The following RPS6KC1 variants were observed in gnomAD, a reference collection of about 807,000 sequenced individuals.
RPS6KC1 encodes inactive ribosomal protein S6 kinase delta-1.
In RPS6KC1, 54 loss-of-function variants were observed where a neutral mutation model predicts 103.8. The ratio of observed to expected loss-of-function variants is 0.52; its 90% CI spans 0.42 to 0.65. The LOEUF (loss-of-function observed/expected upper bound fraction) is 0.65, where lower values mean the gene tolerates loss of function less well. Among genes scored for constraint, RPS6KC1 ranks in the 30% least tolerant of loss-of-function variants. The probability of loss-of-function intolerance (pLI) is 0.00; values close to 1 mark genes in which losing one functional copy is unlikely to be tolerated. For synonymous variants in RPS6KC1, 439 were observed against 438.7 expected (o/e 1.00, Z -0.01); for missense variants, 1,151 against 1,253.8 (o/e 0.92, Z 1.24).
Position 213,241,082 on chromosome 1 carries a change from A to G in RPS6KC1, c.1606A>G (p.Lys536Glu). 1 of 1,613,638 alleles carries G rather than the reference A, an allele frequency of 6.2e-7. No individual in the cohort carries two copies. Among genetic ancestry groups the G allele is most frequent in the East Asian group, 2.2e-5 (1 of 44,842 alleles). The change falls in exon 11 of 15, where the codon AAG (lysine) becomes GAG (glutamate). Residue 536 changes from lysine to glutamate, a missense_variant. Around this residue, in one of 3 missense-constraint regions of RPS6KC1, gnomAD observed 959 missense variants for 1,006.3 expected, o/e 0.95. Coordinates refer to ENST00000366960, the MANE Select transcript of RPS6KC1 (RefSeq NM_012424.6). ...PGSLNEEPFM[K>E]TEGNGVDTKA... is the part of the protein sequence containing the mutation. ...GTCTTTGAATGAGGAGCCCTTCATG[A>G]AGACTGAAGGGAATGGTGTTGATAC...
the RPS6KC1 span, among the ~76,000 whole-genome samples, chr1:213,695,722 G>T: frequency 6.6e-6 from 1 of 152,202 alleles, no homozygotes; most frequent in Non-Finnish European, 1.5e-5. Context: ...ATAGGTTGTT[G>T]CTGTCAGGTT....
chr1:213,274,131 C>A lies in RPS6KC1; in HGVS notation c.*1497C>A, dbSNP rs1338960966. ...TTTGGCCCCCTTATAATCCAAACCC[C>A]AGCTGAAAGGCTGCAACAACACCAG... On this transcript the variant is annotated 3_prime_UTR_variant, in exon 15 of 15. Coordinates refer to ENST00000366960, the MANE Select transcript of RPS6KC1 (RefSeq NM_012424.6). 6.6e-6 allele frequency: 1 copy of A among 152,148 alleles called. No individual in the cohort carries two copies. Among genetic ancestry groups the A allele is most frequent in the African/African-American group, 2.4e-5 (1 of 41,436 alleles). The allele number at this position is 152,148 out of a possible 1,614,324, so 9.4% of individuals were successfully genotyped here.
At chr1:213,507,991 T>TGC in the RPS6KC1 span, among the ~76,000 whole-genome samples, 1 of 152,218 alleles carries the variant, frequency 6.6e-6, no homozygotes, top group Non-Finnish European at 1.5e-5. Context: ...AACTGTCAAT[T>TGC]GCTGAAACAA....
the RPS6KC1 span, among the ~76,000 whole-genome samples, chr1:213,370,586 G>A: frequency 6.6e-6 from 1 of 152,182 alleles, no homozygotes; most frequent in Admixed American, 6.5e-5. Flanking sequence ...ATTAAATGGG[G>A]TTGGAGGCCA....
chr1:213,829,660 G>C, the RPS6KC1 span, among the ~76,000 whole-genome samples: 1 of 152,164 alleles, frequency 6.6e-6, no homozygotes, highest in Non-Finnish European at 1.5e-5. Flanking sequence ...CAAGTAAAGA[G>C]AGAAATTTAT....
intron 3 of RPS6KC1, among the ~76,000 whole-genome samples, chr1:213,092,001 G>A (rs909507549): frequency 4.0e-5 from 6 of 149,172 alleles, no homozygotes; most frequent in East Asian, 2.0e-4. Context: ...TATTATACTC[G>A]TAATCATTAT....
At chr1:213,388,916 C>A in the RPS6KC1 span, among the ~76,000 whole-genome samples, 1 of 152,216 alleles carries the variant, frequency 6.6e-6, no homozygotes, top group African/African-American at 2.4e-5. Context: ...ACTACCTGGG[C>A]AGTGAGAGCT....
chr1:213,614,956 T>C, the RPS6KC1 span, among the ~76,000 whole-genome samples: 1 of 152,222 alleles, frequency 6.6e-6, no homozygotes, highest in African/African-American at 2.4e-5. Flanking sequence ...AAAATTCTCC[T>C]GCTTCGACCT....
At chr1:213,222,271 A>G (rs1388528592) in intron 8 of RPS6KC1, among the ~76,000 whole-genome samples, 1 of 152,186 alleles carries the variant, frequency 6.6e-6, no homozygotes, top group Non-Finnish European at 1.5e-5. Context: ...TTACCCATAA[A>G]TCTTGGGTAC....
At position 213,123,889 on chromosome 1, in the gene RPS6KC1, C is replaced by T. The variant is rs145936602; in HGVS notation, c.473-5638C>T. Among the ~76,000 whole-genome samples, 3 of 152,208 alleles carry T rather than the reference C, an allele frequency of 2.0e-5. No individual in the cohort carries two copies. The East Asian group carries it at 5.8e-4, about 29-fold the overall frequency. On this transcript the variant is annotated intron_variant, in intron 5 of 14. Transcript: ENST00000366960. ...GACCACCTGTTGTTCTAAAGGAAAC[C>T]GATCTCTTTTTACAGATGGTCTTCA...
At chr1:213,473,755 T>C in the RPS6KC1 span, among the ~76,000 whole-genome samples, 1 of 152,224 alleles carries the variant, frequency 6.6e-6, no homozygotes, top group African/African-American at 2.4e-5. Context: ...CTCTACTGCA[T>C]GTAACCATTT....
chr1:213,450,065 G>A, the RPS6KC1 span, among the ~76,000 whole-genome samples: 5 of 152,088 alleles, frequency 3.3e-5, no homozygotes, highest in Admixed American at 1.3e-4. Flanking sequence ...TCTGTGACTC[G>A]GCTTCCACTT....
chr1:213,431,258 T>G, the RPS6KC1 span, among the ~76,000 whole-genome samples: 5 of 152,230 alleles, frequency 3.3e-5, no homozygotes, highest in Non-Finnish European at 5.9e-5. Flanking sequence ...TGATTTCTTA[T>G]TTGACATTTT....
chr1:213,637,594 G>A, the RPS6KC1 span, among the ~76,000 whole-genome samples: 3 of 151,988 alleles, frequency 2.0e-5, no homozygotes, highest in African/African-American at 7.2e-5. Flanking sequence ...ATACCAAGGG[G>A]TAGAGCAGGA....
At chr1:213,060,312 A>C (rs113734090) in intron 1 of RPS6KC1, among the ~76,000 whole-genome samples, 1,595 of 152,346 alleles carry the variant, frequency 0.01, 32 homozygotes, top group African/African-American at 0.036. Context: ...TCAGTTGTTA[A>C]ATCAGTAGCT....
chr1:213,261,513 A>G (rs2094795463), intron 12 of RPS6KC1, 45 bp from the exon 13 acceptor site: 1 of 1,554,242 alleles, frequency 6.4e-7, no homozygotes, highest in Non-Finnish European at 8.9e-7. Flanking sequence ...TGAAAGTTTA[A>G]TTGACCTTTG....
At chr1:213,523,222 T>C in the RPS6KC1 span, among the ~76,000 whole-genome samples, 1 of 152,220 alleles carries the variant, frequency 6.6e-6, no homozygotes, top group African/African-American at 2.4e-5. Context: ...ACACAATTTT[T>C]ATGGATTAAG....
At chr1:213,518,236 C>T in the RPS6KC1 span, among the ~76,000 whole-genome samples, 27 of 152,250 alleles carry the variant, frequency 1.8e-4, no homozygotes, top group East Asian at 3.1e-3. Context: ...TTCCCCAGAA[C>T]GTGTGACTAT....
chr1:213,444,922 A>G, the RPS6KC1 span, among the ~76,000 whole-genome samples: 1 of 152,186 alleles, frequency 6.6e-6, no homozygotes, highest in African/African-American at 2.4e-5. Flanking sequence ...GTTTATTCAC[A>G]GTTATGCATC....
Sources: allele counts gnomAD v4.1 joint callset (sites outside exome capture counted in the v4.1 genomes callset), GRCh38; gene constraint gnomAD v4.1.1; regional missense constraint gnomAD v4.1.1; transcripts MANE v1.5; gene names NCBI Gene and HGNC (gene_info 2026-07-23, HGNC 2026-07-21).